ZNF462: variants seen among roughly 807,000 people sequenced by gnomAD.
ZNF462 encodes the protein zinc finger PBX1-interacting protein.
A neutral mutation model predicts 201.9 loss-of-function variants in ZNF462; 10 were observed. The ratio of observed to expected loss-of-function variants is 0.05; its 90% CI spans 0.03 to 0.08. The LOEUF (loss-of-function observed/expected upper bound fraction) is 0.08, where lower values mean the gene tolerates loss of function less well. Among genes scored for constraint, ZNF462 ranks in the 10% least tolerant of loss-of-function variants. The pLI is 1.00. For missense variants in ZNF462, 2,523 were observed against 3,168.3 expected, an observed-to-expected ratio of 0.80 and a Z score of 4.89; for synonymous variants, 1,227 against 1,193.3, an observed-to-expected ratio of 1.03 and a Z score of -0.58.
At position 107,013,580 on chromosome 9, in the gene ZNF462, A is replaced by G. The variant is rs993839009; in HGVS notation, c.*2550A>G. The G allele has an allele frequency of 5.3e-5, 8 of 152,234 alleles. No individual in the cohort carries two copies. Among genetic ancestry groups the G allele is most frequent in the Non-Finnish European group, 1.2e-4 (8 of 68,040 alleles). The allele number at this position is 152,234 out of a possible 1,614,324, so 9.4% of individuals were successfully genotyped here. ...AAGTAGGTTATTCAAGTTGTTTGCA[A>G]CATACATTTTGTAATGAAATGTGAG... On this transcript the variant is annotated 3_prime_UTR_variant, in exon 13 of 13. Coordinates refer to ENST00000277225, the MANE Select transcript of ZNF462 (RefSeq NM_021224.6).
chr9:106,995,166 C>T (rs1318036064), intron 10 of ZNF462, among the ~76,000 whole-genome samples: 2 of 152,056 alleles, frequency 1.3e-5, no homozygotes, highest in Non-Finnish European at 2.9e-5. Flanking sequence ...TCCTTGAGTA[C>T]TTGTGTCTGA....
chr9:106,905,738 C>G lies in ZNF462; in HGVS notation c.-30-17616C>G, dbSNP rs1198433452. Among the ~76,000 whole-genome samples, 1 of 152,128 alleles carries G rather than the reference C, an allele frequency of 6.6e-6. No individual in the cohort carries two copies. The highest frequency in any genetic ancestry group is 1.5e-5 in the Non-Finnish European group (1 of 68,028). ...AGTCATGAAGGGCTGGTCTCACTCT[C>G]ACCGTGACCCCCGCAACAGCCCCGA... On this transcript the variant is annotated intron_variant, in intron 1 of 12. Transcript: ENST00000277225. This position sits in a 1 kb window ranked among gnomAD's most constrained non-coding sequence, Gnocchi z 5.9.
chr9:106,903,944 C>A (rs1047276829), intron 1 of ZNF462, among the ~76,000 whole-genome samples: 4 of 152,046 alleles, frequency 2.6e-5, no homozygotes, highest in Admixed American at 1.3e-4. Context: ...ATGTGAGGTA[C>A]CATTGCTTTC....
intron 1 of ZNF462, among the ~76,000 whole-genome samples, chr9:106,878,247 C>T (rs1827923963): frequency 1.3e-5 from 2 of 152,164 alleles, no homozygotes; most frequent in African/African-American, 4.8e-5. Context: ...GCCTGAGAGG[C>T]ATAATGTATG....
intron 1 of ZNF462, among the ~76,000 whole-genome samples, chr9:106,888,921 A>C (rs1828448440): frequency 6.6e-6 from 1 of 152,242 alleles, no homozygotes; most frequent in African/African-American, 2.4e-5. Flanking sequence ...TTGGAAGATA[A>C]TGGTACAATT....
At chr9:106,910,290 T>C (rs747696615) in intron 1 of ZNF462, among the ~76,000 whole-genome samples, 4 of 151,846 alleles carry the variant, frequency 2.6e-5, no homozygotes, top group Non-Finnish European at 5.9e-5. Context: ...TGTGTCCTGT[T>C]CCTCCAAAAT....
rs756635990 is a variant in ZNF462, at chr9:106,925,851, A to G, written c.1939A>G (p.Ser647Gly). ...CCTACCATTGGAAAATGAGACAGAC[A>G]GCCACCCCTCTTCCAGCAACACTGT... is the stretch of plus-strand genomic sequence containing the variant. ...SSLPLENETDSHPSSSNTVKK... is the reference protein window; with the variant it reads ...SSLPLENETDGHPSSSNTVKK... Residue 647 changes from serine to glycine, a missense_variant, in exon 3 of 13, where the codon AGC becomes GGC. By Grantham distance (56) the Ser-to-Gly change is moderately conservative (BLOSUM62 0). Transcript: ENST00000277225. The surrounding 1 kb of genome is among the most constrained non-coding windows in gnomAD (Gnocchi z 7.9). 1.7e-5 allele frequency: 28 copies of G among 1,614,180 alleles called. No homozygotes were observed. The highest frequency in any genetic ancestry group is 2.4e-5 in the Non-Finnish European group (28 of 1,180,036).
intron 1 of ZNF462, among the ~76,000 whole-genome samples, chr9:106,891,718 T>C (rs920814445): frequency 2.0e-5 from 3 of 152,166 alleles, no homozygotes; most frequent in Admixed American, 1.3e-4. Context: ...ATAGAAAAGG[T>C]GACGTTTCTT....
At chr9:106,873,221 A>T (rs1187138846) in intron 1 of ZNF462, among the ~76,000 whole-genome samples, 2 of 152,210 alleles carry the variant, frequency 1.3e-5, no homozygotes, top group East Asian at 3.8e-4. Flanking sequence ...GATATGAGAG[A>T]TATAACTTAT....
Position 106,935,589 on chromosome 9 carries a change from G to A in ZNF462, c.6203G>A (p.Arg2068Gln). ...TCCTTCAAGTCCTCCTATAACAGCC[G>A]GCTGAAAACACATATACTCAAAGCT... ...LCSFKSSYNS[R>Q]LKTHILKAHA... Residue 2068 changes from arginine (R) to glutamine (Q), a missense_variant, in exon 6 of 13, where the codon CGG (arginine) becomes CAG (glutamine). Physicochemically the swap from Arg to Gln is conservative, Grantham distance 43. This residue lies in a region of ZNF462 where 138 missense variants were observed against 146.3 expected (regional missense o/e 0.94). Coordinates refer to ENST00000277225, the MANE Select transcript of ZNF462 (RefSeq NM_021224.6). The surrounding 1 kb of genome is among the most constrained non-coding windows in gnomAD (Gnocchi z 4.1). The A allele has an allele frequency of 2.5e-6, 4 of 1,613,886 alleles. No individual in the cohort carries two copies. Among genetic ancestry groups the A allele is most frequent in the East Asian group, 2.2e-5 (1 of 44,872 alleles).
intron 7 of ZNF462, among the ~76,000 whole-genome samples, chr9:106,958,446 G>C (rs2131862860): frequency 6.6e-6 from 1 of 152,168 alleles, no homozygotes; most frequent in African/African-American, 2.4e-5. Context: ...CTTTAAAAGG[G>C]TCCTACTATC....
In ZNF462 at chr9:106,932,390, C is replaced by G; in HGVS notation, c.6013-56C>G. 5 of 1,612,396 alleles carry G rather than the reference C, an allele frequency of 3.1e-6. No homozygotes were observed. The highest frequency in any genetic ancestry group is 4.2e-6 in the Non-Finnish European group (5 of 1,179,210). On this transcript the variant is annotated intron_variant, in intron 4 of 12. Transcript: ENST00000277225. The surrounding 1 kb of genome is among the most constrained non-coding windows in gnomAD (Gnocchi z 6.8). ...CTTGATGGAATGTTGGAGGATGAAA[C>G]CCGGCCGGGGGGATACCATTGCAGT...
rs190978327 is a variant in ZNF462 at position 106,970,823 on chromosome 9, C to G, written c.6428-1182C>G. 5.3e-3 allele frequency among the ~76,000 whole-genome samples: 765 copies of G among 144,018 alleles called. 7 individuals carry two copies. The highest frequency in any genetic ancestry group is 8.9e-3 in the Non-Finnish European group (591 of 66,734). The allele number at this position is 144,018 out of a possible 152,430, so 94.5% of individuals were successfully genotyped here. A position where few individuals can be genotyped will look rare whatever the true frequency, so the allele number is the denominator to read the frequency against. On this transcript the variant is annotated intron_variant, in intron 7 of 12. Transcript: ENST00000277225. The surrounding 1 kb of genome is among the most constrained non-coding windows in gnomAD (Gnocchi z 4.2). Reference sequence around the variant, plus strand: ...CAACCCCTTTATTTATTTATTTTTACTTTTTTTTCTCTTCTTTTTTTTTAA... The same window carrying G: ...CAACCCCTTTATTTATTTATTTTTAGTTTTTTTTCTCTTCTTTTTTTTTAA...
At chr9:106,879,343 C>CCA (rs1222373908) in intron 1 of ZNF462, among the ~76,000 whole-genome samples, 29 of 116,506 alleles carry the variant, frequency 2.5e-4, no homozygotes, top group African/African-American at 7.7e-4. Flanking sequence ...CCCCCCCCCC[C>CCA]ACCCCCCACC....
At chr9:106,862,992 C>T, upstream of ZNF462, 1 of 396,042 alleles carries the variant, frequency 2.5e-6, no homozygotes, top group Non-Finnish European at 4.4e-6. This position sits in a 1 kb window ranked among gnomAD's most constrained non-coding sequence, Gnocchi z 4.2. Context: ...CCTGGTTGCT[C>T]ATTATTCAGA....
In ZNF462 at chr9:106,872,413, G is replaced by C. The variant is rs1309557020; in HGVS notation, c.-31+9058G>C. 2.0e-5 allele frequency among the ~76,000 whole-genome samples: 3 copies of C among 151,932 alleles called. No individual in the cohort carries two copies. Among genetic ancestry groups the C allele is most frequent in the African/African-American group, 7.3e-5 (3 of 41,354 alleles). On this transcript the variant is annotated intron_variant, in intron 1 of 12. Transcript: ENST00000277225. The surrounding 1 kb of genome is among the most constrained non-coding windows in gnomAD (Gnocchi z 4.5). ...CAGTTTTGCTCTGTCTCCCAGGCTG[G>C]AGTGCAGTGGCACGATCTCCACTTA...
At chr9:106,992,999 A>G (rs867448309) in intron 10 of ZNF462, among the ~76,000 whole-genome samples, 2 of 152,164 alleles carry the variant, frequency 1.3e-5, no homozygotes, top group African/African-American at 4.8e-5. Flanking sequence ...AGACTTAGCA[A>G]TTGGTTCCAA....
rs541002230 is a variant in ZNF462 at position 106,902,049 on chromosome 9, G to T, written c.-30-21305G>T. Among the ~76,000 whole-genome samples the T allele has an allele frequency of 6.6e-6, 1 of 152,286 alleles. No individual in the cohort carries two copies. Among genetic ancestry groups the T allele is most frequent in the South Asian group, 2.1e-4 (1 of 4,824 alleles). On this transcript the variant is annotated intron_variant, in intron 1 of 12. Coordinates refer to ENST00000277225, the MANE Select transcript of ZNF462 (RefSeq NM_021224.6). This position sits in a 1 kb window ranked among gnomAD's most constrained non-coding sequence, Gnocchi z 4.2. ...TTCCCCATTCAGTATTATGCTGGCT[G>T]TGGGTTTGTCATAGATGGCTTTTAT...
At position 106,925,690 on chromosome 9, in the gene ZNF462, A is replaced by G; in HGVS notation, c.1778A>G (p.Gln593Arg). 1.2e-6 allele frequency: 2 copies of G among 1,614,090 alleles called. No homozygotes were observed. The highest frequency in any genetic ancestry group is 1.1e-5 in the South Asian group (1 of 91,076). Residue 593 changes from glutamine to arginine, a missense_variant, in exon 3 of 13, where the codon CAA becomes CGA. Around this residue, in one of 15 missense-constraint regions of ZNF462, gnomAD observed 383 missense variants for 453.4 expected, o/e 0.84. Coordinates refer to ENST00000277225, the MANE Select transcript of ZNF462 (RefSeq NM_021224.6). The surrounding 1 kb of genome is among the most constrained non-coding windows in gnomAD (Gnocchi z 7.9). ...ACGCAGCAGCCACAGCCACCCACAC[A>G]AGCCGCACCTCTGCACCCATACAAA... Reference protein sequence around the residue: ...PPTQQPQPPTQAAPLHPYKCT... With the variant: ...PPTQQPQPPTRAAPLHPYKCT...
Sources: gnomAD v4.1 joint callset for allele counts (sites outside exome capture counted in the v4.1 genomes callset) on GRCh38, gnomAD v4.1.1 for gene constraint, gnomAD v4.1.1 regional missense constraint, Gnocchi (gnomAD v3.1) non-coding constraint, MANE v1.5 for transcripts, NCBI Gene and HGNC (gene_info 2026-07-23, HGNC 2026-07-21) for gene names.